The following DYRK2 variants were observed in gnomAD, a reference collection of about 807,000 sequenced individuals.
DYRK2 encodes dual specificity tyrosine-phosphorylation-regulated kinase 2.
Under a neutral mutation model 41.6 loss-of-function variants are expected in DYRK2, and 12 were observed. The ratio of observed to expected loss-of-function variants is 0.29; its 90% CI spans 0.18 to 0.47. The LOEUF is 0.47. Ranked by LOEUF, DYRK2 falls within the 20% of genes least tolerant of loss-of-function variation. The probability of loss-of-function intolerance (pLI) is 1.00; values close to 1 mark genes in which losing one functional copy is unlikely to be tolerated. For synonymous variants in DYRK2, 322 were observed against 315.7 expected, an observed-to-expected ratio of 1.02 and a Z score of -0.21; for missense variants, 678 against 798.4, an observed-to-expected ratio of 0.85 and a Z score of 1.82.
intron 2 of DYRK2, among the ~76,000 whole-genome samples, chr12:67,655,400 G>C (rs1291582729): frequency 6.6e-6 from 1 of 152,146 alleles, no homozygotes; most frequent in Non-Finnish European, 1.5e-5. Context: ...AGCGAGGCTG[G>C]GGAAGAGAAG....
intron 1 of DYRK2, 102 bp downstream of exon 1, chr12:67,649,284 C>T (rs1036378819): frequency 4.2e-6 from 4 of 963,102 alleles, no homozygotes; most frequent in Middle Eastern, 3.5e-4. Context: ...CGAACAAAGT[C>T]GGCGGCGCGG....
intron 2 of DYRK2, among the ~76,000 whole-genome samples, chr12:67,653,081 C>T (rs1336437147): frequency 2.0e-5 from 3 of 152,154 alleles, no homozygotes; most frequent in Admixed American, 2.0e-4. Flanking sequence ...CCACCTGCCT[C>T]AGCCTCCCAA....
chr12:67,649,274 C>G (rs913301044), intron 1 of DYRK2, 92 bp downstream of exon 1: 1 of 1,066,528 alleles, frequency 9.4e-7, no homozygotes, highest in Non-Finnish European at 1.2e-6. Context: ...TGCGGGACCT[C>G]GAACAAAGTC....
rs1290799241 is a variant in DYRK2, at chr12:67,659,005, C to T, written c.*292C>T. On this transcript the variant is annotated 3_prime_UTR_variant, in exon 3 of 3. Transcript: ENST00000344096. ...AACATCAGTGGCAGGCCACTGATTA[C>T]TTCATGACTGCCACGCATTTACAGA... The T allele has an allele frequency of 3.6e-6, 1 of 274,248 alleles. No individual in the cohort carries two copies. Among genetic ancestry groups the T allele is most frequent in the Non-Finnish European group, 7.2e-6 (1 of 138,732 alleles). The allele number at this position is 274,248 out of a possible 1,614,324, so 17.0% of individuals were successfully genotyped here. A position where few individuals can be genotyped will look rare whatever the true frequency, so the allele number is the denominator to read the frequency against.
At chr12:67,652,921 C>T (rs542220963) in intron 2 of DYRK2, among the ~76,000 whole-genome samples, 12 of 152,286 alleles carry the variant, frequency 7.9e-5, no homozygotes, top group South Asian at 2.1e-4. Context: ...CCTCCGCCTC[C>T]GGGGTTCAAG....
intron 2 of DYRK2, among the ~76,000 whole-genome samples, chr12:67,650,335 CAG>C (rs1209295858): frequency 3.9e-5 from 6 of 152,296 alleles, no homozygotes; most frequent in Admixed American, 2.0e-4. Context: ...TTTATAGAAA[CAG>C]ATACGTGTTA....
chr12:67,658,417 G>C lies in DYRK2; in HGVS notation c.1510G>C (p.Asp504His). 6.3e-7 allele frequency: 1 copy of C among 1,594,514 alleles called. No homozygotes were observed. The highest frequency in any genetic ancestry group is 8.5e-7 in the Non-Finnish European group (1 of 1,170,764). ...REWGNALKGCDDPLFLDFLKQ... is the reference protein window; with the variant it reads ...REWGNALKGCHDPLFLDFLKQ... ...GTGGGGGAACGCGCTGAAGGGGTGT[G>C]ATGATCCCCTTTTCCTTGACTTCTT... Residue 504 changes from aspartate to histidine, a missense_variant, in exon 3 of 3, where the codon GAT (aspartate) becomes CAT (histidine). By Grantham distance (81) the Asp-to-His change is moderately conservative. Transcript: ENST00000344096. The surrounding 1 kb of genome is among the most constrained non-coding windows in gnomAD (Gnocchi z 4.3).
intron 1 of DYRK2, chr12:67,649,574 G>A: frequency 2.0e-6 from 1 of 495,206 alleles, no homozygotes. Flanking sequence ...GCCGGGTCGC[G>A]AACTCGCGCG....
Position 67,657,023 on chromosome 12 carries a change from C to T in DYRK2, c.199-83C>T, listed in dbSNP as rs994324956. On this transcript the variant is annotated intron_variant, in intron 2 of 2. Coordinates refer to ENST00000344096, the MANE Select transcript of DYRK2 (RefSeq NM_006482.3). This position sits in a 1 kb window ranked among gnomAD's most constrained non-coding sequence, Gnocchi z 4.8. Reference sequence around the variant, plus strand: ...GATTTTGTAAATGTGAGGTTGGGGGCGGTGGTGTTGTTGGGGGTTACTTAT... The same window carrying T: ...GATTTTGTAAATGTGAGGTTGGGGGTGGTGGTGTTGTTGGGGGTTACTTAT... The T allele has an allele frequency of 5.2e-5, 70 of 1,352,632 alleles. No individual in the cohort carries two copies. In the Middle Eastern group the frequency reaches 5.7e-4, roughly 11 times the overall value. 83.8% of individuals were successfully genotyped at this position (1,352,632 alleles called of 1,614,324 possible).
In DYRK2 at chr12:67,662,242, A is replaced by G. The variant is rs1027998218; in HGVS notation, c.*3529A>G. The G allele has an allele frequency of 6.0e-6, 1 of 167,030 alleles. No homozygotes were observed. Among genetic ancestry groups the G allele is most frequent in the Non-Finnish European group, 1.5e-5 (1 of 68,094 alleles). The allele number at this position is 167,030 out of a possible 1,614,324, so 10.3% of individuals were successfully genotyped here. A position where few individuals can be genotyped will look rare whatever the true frequency, so the allele number is the denominator to read the frequency against. ...ACATAATGCTGTAATAGCATTAAAA[A>G]AAGTATTTGTGAACTCTGTTTCTTA... On this transcript the variant is annotated 3_prime_UTR_variant, in exon 3 of 3. Transcript: ENST00000344096.
intron 2 of DYRK2, among the ~76,000 whole-genome samples, chr12:67,650,271 C>T (rs1388736423): frequency 1.3e-5 from 2 of 152,208 alleles, no homozygotes; most frequent in Non-Finnish European, 2.9e-5. Context: ...AGTTCCCTTC[C>T]CTGACCCGGT....
In DYRK2 at chr12:67,664,203, T is replaced by C. The variant is rs923589586; in HGVS notation, c.*5490T>C. On this transcript the variant is annotated 3_prime_UTR_variant, in exon 3 of 3. Coordinates refer to ENST00000344096, the MANE Select transcript of DYRK2 (RefSeq NM_006482.3). ...TTTGTTTCCTTATTTGGTTTGACTT[T>C]GACTTACTATTTTGCTATGGTCATA... 2.6e-5 allele frequency: 4 copies of C among 152,174 alleles called. No individual in the cohort carries two copies. The highest frequency in any genetic ancestry group is 9.7e-5 in the African/African-American group (4 of 41,448). 9.4% of individuals were successfully genotyped at this position (152,174 alleles called of 1,614,324 possible).
Position 67,658,574 on chromosome 12 carries a change from G to A in DYRK2, c.1667G>A (p.Ser556Asn). ...ACGTCAGTGAAAAGGATAACTGAGA[G>A]CACCGGTGCTATCACATCTATATCC... ...EKTSVKRITE[S>N]TGAITSISKL... The change falls in exon 3 of 3, where the codon AGC becomes AAC. Residue 556 changes from serine (S) to asparagine (N), a missense_variant. Ser to Asn is a conservative substitution (Grantham distance 46). This residue lies in a region of DYRK2 where 393 missense variants were observed against 519.1 expected (regional missense o/e 0.76). Coordinates refer to ENST00000344096, the MANE Select transcript of DYRK2 (RefSeq NM_006482.3). This position sits in a 1 kb window ranked among gnomAD's most constrained non-coding sequence, Gnocchi z 4.3. 6.2e-7 allele frequency: 1 copy of A among 1,614,164 alleles called. No individual in the cohort carries two copies. Among genetic ancestry groups the A allele is most frequent in the African/African-American group, 1.3e-5 (1 of 75,052 alleles).
In DYRK2 at chr12:67,649,786, G is replaced by T. The variant is rs1371504170; in HGVS notation, c.50-11G>T. 7.6e-7 allele frequency: 1 copy of T among 1,313,986 alleles called. No individual in the cohort carries two copies. Among genetic ancestry groups the T allele is most frequent in the Non-Finnish European group, 9.8e-7 (1 of 1,024,408 alleles). The allele number at this position is 1,313,986 out of a possible 1,614,324, so 81.4% of individuals were successfully genotyped here. A position where few individuals can be genotyped will look rare whatever the true frequency, so the allele number is the denominator to read the frequency against. ...GACCCTCTTTTGTCTCCTCCCGCAC[G>T]TGGCTTCCAGGCCGAGGTGGGGACA... On this transcript the variant is annotated splice_polypyrimidine_tract_variant and intron_variant, in intron 1 of 2. Coordinates refer to ENST00000344096, the MANE Select transcript of DYRK2 (RefSeq NM_006482.3).
At chr12:67,656,558 A>G (rs1170137190) in intron 2 of DYRK2, among the ~76,000 whole-genome samples, 1 of 152,230 alleles carries the variant, frequency 6.6e-6, no homozygotes, top group Non-Finnish European at 1.5e-5. Context: ...TCACTGGATC[A>G]TGTGTGCACT....
chr12:67,653,665 T>C (rs181360083), intron 2 of DYRK2, among the ~76,000 whole-genome samples: 4 of 152,346 alleles, frequency 2.6e-5, no homozygotes, highest in Non-Finnish European at 4.4e-5. Flanking sequence ...ACTTCATGTT[T>C]CCTTATGAAG....
At chr12:67,653,902 T>TA (rs1489829123) in intron 2 of DYRK2, among the ~76,000 whole-genome samples, 4 of 152,032 alleles carry the variant, frequency 2.6e-5, no homozygotes, top group African/African-American at 9.7e-5. Context: ...GAGAAATAAG[T>TA]AAAAGGGTGA....
intron 2 of DYRK2, among the ~76,000 whole-genome samples, chr12:67,653,160 T>G (rs1317973687): frequency 6.6e-6 from 1 of 152,184 alleles, no homozygotes; most frequent in Non-Finnish European, 1.5e-5. Context: ...TGACACACAC[T>G]GTGCTATACA....
At position 67,659,488 on chromosome 12, in the gene DYRK2, CCTTTTCTCTG is replaced by C. The variant is rs1159176505; in HGVS notation, c.*784_*793del. 1 of 167,084 alleles carries C rather than the reference CCTTTTCTCTG, an allele frequency of 6.0e-6. No homozygotes were observed. The highest frequency in any genetic ancestry group is 1.9e-4 in the East Asian group (1 of 5,202). The allele number at this position is 167,084 out of a possible 1,614,324, so 10.4% of individuals were successfully genotyped here. On this transcript the variant is annotated 3_prime_UTR_variant, in exon 3 of 3. Coordinates refer to ENST00000344096, the MANE Select transcript of DYRK2 (RefSeq NM_006482.3). ...AATTGTATTCCATGAACTGTTCCTC[CCTTTTCTCTG>C]CTTTTCTCCTCTCTGTTCCTCTTTT...
Sources: gnomAD v4.1 joint callset for allele counts (sites outside exome capture counted in the v4.1 genomes callset) on GRCh38, gnomAD v4.1.1 for gene constraint, gnomAD v4.1.1 regional missense constraint, Gnocchi (gnomAD v3.1) non-coding constraint, MANE v1.5 for transcripts, NCBI Gene and HGNC (gene_info 2026-07-23, HGNC 2026-07-21) for gene names.